Variants in DAB1 observed in about 807,000 individuals in gnomAD.
DAB1 encodes disabled homolog 1.
In DAB1, 15 loss-of-function variants were observed where a neutral mutation model predicts 64.6. The ratio of observed to expected loss-of-function variants is 0.23; its 90% CI spans 0.16 to 0.36. DAB1 has a LOEUF of 0.36. DAB1 is among the 10% of genes least tolerant of loss of function. The pLI is 1.00. For synonymous variants in DAB1, 235 were observed against 251.9 expected, an observed-to-expected ratio of 0.93 and a Z score of 0.64; for missense variants, 596 against 706.7, an observed-to-expected ratio of 0.84 and a Z score of 1.78.
chr1:57,193,379 A>AT (rs1328631874), intron 2 of DAB1, among the ~76,000 whole-genome samples: 3 of 71,622 alleles, frequency 4.2e-5, no homozygotes, highest in African/African-American at 1.1e-4. Flanking sequence ...TCCGTAGCAT[A>AT]TGTTTTTTTT....
At chr1:57,347,277 C>T (rs1678188520) in intron 1 of DAB1, among the ~76,000 whole-genome samples, 1 of 152,210 alleles carries the variant, frequency 6.6e-6, no homozygotes, top group South Asian at 2.1e-4. Flanking sequence ...CTTCAGCTTC[C>T]TCACTTTATG....
At position 57,263,468 on chromosome 1, in the gene DAB1, C is replaced by T. The variant is rs192491619; in HGVS notation, c.67+27496G>A. 1.1e-4 allele frequency among the ~76,000 whole-genome samples: 17 copies of T among 152,154 alleles called. No individual in the cohort carries two copies. The East Asian group carries it at 2.7e-3, about 24-fold the overall frequency. On this transcript the variant is annotated intron_variant, in intron 2 of 14. Transcript: ENST00000371236. ...TTGTTGTGAAGATTAAGTGAAATGA[C>T]GTATATAAAATGTTTCATGAAATAC...
rs113561410 is a variant in DAB1 at position 57,170,992 on chromosome 1, G to A, written c.68-25563C>T. Among the ~76,000 whole-genome samples the A allele has an allele frequency of 3.3e-3, 498 of 152,248 alleles. 3 individuals are homozygous for A. The highest frequency in any genetic ancestry group is 0.011 in the African/African-American group (468 of 41,538). On this transcript the variant is annotated intron_variant, in intron 2 of 14. Transcript: ENST00000371236. ...AAGGAGTGGAGATCCCAGGTCCTTAGATCAAGGCAAAGAGTTCGATACGGC... is the reference window on the plus strand; with the variant it reads ...AAGGAGTGGAGATCCCAGGTCCTTAAATCAAGGCAAAGAGTTCGATACGGC...
chr1:57,840,046 C>A (rs969589501), intron 1 of DAB1, among the ~76,000 whole-genome samples: 2 of 152,142 alleles, frequency 1.3e-5, no homozygotes, highest in Non-Finnish European at 2.9e-5. Flanking sequence ...GCCTTTGAGT[C>A]TTTATTCAAA....
chr1:57,149,784 C>T (rs1334283206), intron 2 of DAB1, among the ~76,000 whole-genome samples: 2 of 152,030 alleles, frequency 1.3e-5, no homozygotes, highest in Non-Finnish European at 2.9e-5. Context: ...AGAATTTAGC[C>T]TCATTTTTTC....
chr1:57,285,419 C>A (rs890692157), intron 2 of DAB1, among the ~76,000 whole-genome samples: 1 of 152,176 alleles, frequency 6.6e-6, no homozygotes, highest in African/African-American at 2.4e-5. Context: ...CAGGCGAGTG[C>A]CACCACACCC....
At chr1:57,232,284 C>CATTTTTT (rs1553158823) in intron 2 of DAB1, among the ~76,000 whole-genome samples, 1 of 81,734 alleles carries the variant, frequency 1.2e-5, no homozygotes, top group Admixed American at 2.0e-4. Flanking sequence ...GCAGTGGCCA[C>CATTTTTT]TTTTTTTTTT....
chr1:57,138,150 G>T (rs929739737), intron 3 of DAB1, among the ~76,000 whole-genome samples: 2 of 152,134 alleles, frequency 1.3e-5, no homozygotes, highest in African/African-American at 4.8e-5. Flanking sequence ...TTAGACACCT[G>T]CTAGGAGGAA....
At chr1:57,616,775 G>A (rs1372689941) in intron 7 of DAB1, among the ~76,000 whole-genome samples, 2 of 152,098 alleles carry the variant, frequency 1.3e-5, no homozygotes, top group African/African-American at 4.8e-5. Context: ...GAAAAGTGAG[G>A]GAGGATATTT....
chr1:57,226,814 C>T (rs752369210), intron 2 of DAB1, among the ~76,000 whole-genome samples: 8 of 151,630 alleles, frequency 5.3e-5, no homozygotes, highest in African/African-American at 9.7e-5. Context: ...TTAAACCTGA[C>T]GCCATTTGAA....
chr1:58,228,749 G>C, intron 4 of DAB1: 1 of 986,022 alleles, frequency 1.0e-6, no homozygotes, highest in Non-Finnish European at 1.5e-6. Context: ...TCAGGCCCAC[G>C]TTGATGGCAT....
intron 4 of DAB1, among the ~76,000 whole-genome samples, chr1:58,162,968 T>C (rs549804828): frequency 3.5e-4 from 54 of 152,222 alleles, no homozygotes; most frequent in Middle Eastern, 3.4e-3. Context: ...GGTACTACAA[T>C]TTAGTAGGTA....
intron 3 of DAB1, among the ~76,000 whole-genome samples, chr1:57,144,223 TA>T (rs1207891031): frequency 1.3e-5 from 2 of 152,004 alleles, no homozygotes; most frequent in African/African-American, 4.8e-5. Context: ...GAAAAATAAA[TA>T]ATATATGTTT....
chr1:57,725,311 T>A (rs1462035939), intron 6 of DAB1, among the ~76,000 whole-genome samples: 1 of 152,198 alleles, frequency 6.6e-6, no homozygotes, highest in Non-Finnish European at 1.5e-5. Context: ...AAATAGCTTA[T>A]CAAGACTCAC....
At chr1:57,878,158 C>T (rs1447100010) in intron 1 of DAB1, 2 of 152,108 alleles carry the variant, frequency 1.3e-5, no homozygotes, top group East Asian at 3.9e-4. Flanking sequence ...TATTTAATGA[C>T]TGCATTATTT....
chr1:58,479,452 T>G (rs1645451176), intron 3 of DAB1, among the ~76,000 whole-genome samples: 1 of 152,210 alleles, frequency 6.6e-6, no homozygotes, highest in African/African-American at 2.4e-5. Flanking sequence ...AGATATTTTG[T>G]CCAAGAAGAT....
chr1:57,863,567 T>C (rs922172096), intron 1 of DAB1, among the ~76,000 whole-genome samples: 52 of 152,208 alleles, frequency 3.4e-4, no homozygotes, highest in African/African-American at 1.3e-3. Context: ...GGTGTGAAAG[T>C]GTGTGTGTTC....
intron 7 of DAB1, among the ~76,000 whole-genome samples, chr1:57,596,569 G>A (rs933922751): frequency 6.6e-6 from 1 of 152,074 alleles, no homozygotes; most frequent in Non-Finnish European, 1.5e-5. Flanking sequence ...AGCAGTGTAG[G>A]AGTAGGAGTC....
At chr1:57,162,927 T>C (rs912106076) in intron 2 of DAB1, among the ~76,000 whole-genome samples, 5 of 152,220 alleles carry the variant, frequency 3.3e-5, no homozygotes, top group African/African-American at 1.2e-4. Context: ...AGGGTTTAAG[T>C]AGAATGTGCT....
Sources: gnomAD v4.1 joint callset for allele counts (sites outside exome capture counted in the v4.1 genomes callset) on GRCh38, gnomAD v4.1.1 for gene constraint, MANE v1.5 for transcripts, NCBI Gene and HGNC (gene_info 2026-07-23, HGNC 2026-07-21) for gene names.